The following POLR3G variants were observed in gnomAD, a reference collection of about 807,000 sequenced individuals.
POLR3G encodes RNA polymerase III subunit G.
Under a neutral mutation model 30.1 loss-of-function variants are expected in POLR3G, and 28 were observed. That is an observed-to-expected ratio of 0.93 (90% CI 0.69 to 1.27). The LOEUF is 1.27. Among genes scored for constraint, POLR3G ranks in the 50% most tolerant of loss-of-function variants. The pLI is 0.00. For missense variants in POLR3G, 254 were observed against 264.6 expected (o/e 0.96, Z 0.28); for synonymous variants, 79 against 82.5 (o/e 0.96, Z 0.23).
At chr5:90,499,445 C>T (rs1283987036) in intron 5 of POLR3G, among the ~76,000 whole-genome samples, 2 of 152,122 alleles carry the variant, frequency 1.3e-5, no homozygotes, top group African/African-American at 2.4e-5. Context: ...AATGTTCACT[C>T]GTTTTTGACA....
At chr5:90,494,568 T>TG (rs70999489) in intron 3 of POLR3G, among the ~76,000 whole-genome samples, 16,541 of 151,742 alleles carry the variant, frequency 0.11, 960 homozygotes, top group African/African-American at 0.14. Context: ...ATTTTTTTTT[T>TG]ATTCTAGCCA....
At chr5:90,477,177 G>A (rs1750871063) in intron 1 of POLR3G, among the ~76,000 whole-genome samples, 1 of 152,174 alleles carries the variant, frequency 6.6e-6, no homozygotes, top group Non-Finnish European at 1.5e-5. Flanking sequence ...TAGGGTGGAA[G>A]AAATTGTCAT....
chr5:90,488,303 A>G (rs1751553264), intron 3 of POLR3G, among the ~76,000 whole-genome samples, 174 bp downstream of exon 3: 1 of 152,200 alleles, frequency 6.6e-6, no homozygotes, highest in African/African-American at 2.4e-5. Flanking sequence ...AAACTTTTTG[A>G]TATTTTATTT....
intron 1 of POLR3G, among the ~76,000 whole-genome samples, chr5:90,478,930 G>A (rs1750984269): frequency 1.3e-5 from 2 of 151,882 alleles, no homozygotes; most frequent in African/African-American, 4.8e-5. Context: ...TTATTGTTCT[G>A]GGGTGAATCC....
At chr5:90,491,250 A>G (rs972118898) in intron 3 of POLR3G, among the ~76,000 whole-genome samples, 14 of 152,354 alleles carry the variant, frequency 9.2e-5, no homozygotes, top group Middle Eastern at 3.4e-3. Context: ...ATAATAAAGG[A>G]AAAACACCAA....
intron 2 of POLR3G, among the ~76,000 whole-genome samples, chr5:90,487,064 G>T (rs567690096): frequency 2.6e-5 from 4 of 152,184 alleles, no homozygotes; most frequent in African/African-American, 7.2e-5. Flanking sequence ...ATACAAACGC[G>T]TATTTGTGTA....
chr5:90,494,736 A>G (rs1246500452), intron 3 of POLR3G, among the ~76,000 whole-genome samples: 1 of 152,086 alleles, frequency 6.6e-6, no homozygotes, highest in Non-Finnish European at 1.5e-5. Flanking sequence ...TTGGGTTCCA[A>G]TAATTGGTTT....
At chr5:90,512,027 A>T in intron 7 of POLR3G, 26 bp from the exon 8 acceptor site, 2 of 1,450,512 alleles carry the variant, frequency 1.4e-6, no homozygotes, top group Non-Finnish European at 1.9e-6. Flanking sequence ...TTTAACGTTT[A>T]CAAAGGAATA....
In POLR3G at chr5:90,506,644, G is replaced by A. The variant is rs770721760; in HGVS notation, c.555G>A (p.Gln185=). 2 of 1,611,124 alleles carry A rather than the reference G, an allele frequency of 1.2e-6. No homozygotes were observed. The highest frequency in any genetic ancestry group is 1.7e-5 in the Admixed American group (1 of 59,626). ...ACGATGACGATGATGCCGCAGAACA[G>A]GAGGAATATGATGAAGAAGAGCAAG... The part of the protein sequence containing the change: ...DDDDDDDAAE[Q]EEYDEEEQEE... The change falls in exon 7 of 8, where the codon CAG becomes CAA. Residue 185 remains glutamine, a synonymous_variant. Transcript: ENST00000651687.
chr5:90,508,231 T>C (rs1166543274), intron 7 of POLR3G, among the ~76,000 whole-genome samples: 4 of 152,232 alleles, frequency 2.6e-5, no homozygotes, highest in Non-Finnish European at 5.9e-5. Context: ...TCTTAGCAGG[T>C]GATAATACCT....
chr5:90,509,528 A>G (rs747181608), intron 7 of POLR3G, among the ~76,000 whole-genome samples: 3 of 152,218 alleles, frequency 2.0e-5, no homozygotes, highest in Non-Finnish European at 4.4e-5. Context: ...ACCGGATGCT[A>G]TAGCGGCATA....
intron 3 of POLR3G, among the ~76,000 whole-genome samples, chr5:90,491,133 A>G (rs904588895): frequency 6.6e-6 from 1 of 152,238 alleles, no homozygotes; most frequent in South Asian, 2.1e-4. Flanking sequence ...GATGGCATGG[A>G]ATGAACATAT....
intron 1 of POLR3G, among the ~76,000 whole-genome samples, chr5:90,478,684 G>A (rs1750970182): frequency 3.4e-5 from 5 of 148,554 alleles, no homozygotes; most frequent in African/African-American, 1.2e-4. Context: ...AGCCTCCCGA[G>A]TAGCTGGGAC....
At chr5:90,505,050 G>A (rs1752421355) in intron 6 of POLR3G, among the ~76,000 whole-genome samples, 1 of 152,178 alleles carries the variant, frequency 6.6e-6, no homozygotes, top group Non-Finnish European at 1.5e-5. Context: ...CCTATCTAAT[G>A]TAGTCTCTCT....
intron 5 of POLR3G, among the ~76,000 whole-genome samples, chr5:90,498,445 T>C (rs531020918): frequency 1.3e-5 from 2 of 152,280 alleles, no homozygotes; most frequent in Admixed American, 1.3e-4. Context: ...ACTTTAGTAG[T>C]TCACTGTGTC....
intron 6 of POLR3G, among the ~76,000 whole-genome samples, chr5:90,505,647 T>A (rs1458214676): frequency 6.6e-6 from 1 of 152,164 alleles, no homozygotes; most frequent in African/African-American, 2.4e-5. Context: ...TTTTAATTTC[T>A]CTCTTTCTTC....
chr5:90,503,534 A>T (rs1311668183), intron 6 of POLR3G, among the ~76,000 whole-genome samples: 1 of 152,240 alleles, frequency 6.6e-6, no homozygotes, highest in Non-Finnish European at 1.5e-5. Flanking sequence ...AGGAAGATTG[A>T]TCTGGACCTC....
At chr5:90,484,280 A>T (rs780835762) in intron 1 of POLR3G, among the ~76,000 whole-genome samples, 1 of 152,288 alleles carries the variant, frequency 6.6e-6, no homozygotes, top group East Asian at 1.9e-4. Flanking sequence ...GTTCTGAGTG[A>T]TGCTGCTGCA....
chr5:90,484,545 G>T (rs1171581281), intron 1 of POLR3G, among the ~76,000 whole-genome samples: 1 of 152,138 alleles, frequency 6.6e-6, no homozygotes, highest in Admixed American at 6.6e-5. Context: ...GACTAAGAAG[G>T]GTAACATTAA....
Sources: allele counts gnomAD v4.1 joint callset (sites outside exome capture counted in the v4.1 genomes callset), GRCh38; gene constraint gnomAD v4.1.1; transcripts MANE v1.5; gene names NCBI Gene and HGNC (gene_info 2026-07-23, HGNC 2026-07-21).